Variants in DSCAM observed in about 807,000 individuals in gnomAD.
DSCAM encodes the protein DS cell adhesion molecule.
In DSCAM, 47 loss-of-function variants were observed where a neutral mutation model predicts 217.7. That is an observed-to-expected ratio of 0.22 (90% confidence interval 0.17 to 0.28). DSCAM has a LOEUF of 0.28. Ranked by LOEUF, DSCAM falls within the 10% of genes least tolerant of loss-of-function variation. The pLI, the probability that DSCAM is intolerant of heterozygous loss-of-function variation, is 1.00. For synonymous variants in DSCAM, 1,056 were observed against 1,015.3 expected, an observed-to-expected ratio of 1.04 and a Z score of -0.76; for missense variants, 2,080 against 2,618.3, an observed-to-expected ratio of 0.79 and a Z score of 4.49.
intron 1 of DSCAM, among the ~76,000 whole-genome samples, chr21:40,840,839 G>A: frequency 6.6e-6 from 1 of 152,266 alleles, no homozygotes; most frequent in African/African-American, 2.4e-5. Flanking sequence ...AGAGGCAGAA[G>A]AGAGAGGTGG....
At chr21:40,048,969 A>T (rs977002135) in intron 30 of DSCAM, among the ~76,000 whole-genome samples, 8 of 147,190 alleles carry the variant, frequency 5.4e-5, no homozygotes, top group African/African-American at 1.8e-4. Context: ...GGAAGATTTA[A>T]TGAAAAAAAT....
chr21:40,670,493 G>T (rs992872914), intron 3 of DSCAM, among the ~76,000 whole-genome samples: 1 of 138,846 alleles, frequency 7.2e-6, no homozygotes, highest in Non-Finnish European at 1.5e-5. Flanking sequence ...AGCCGAGATC[G>T]CGCCATTGCA....
chr21:40,293,680 G>C (rs1387014432), intron 10 of DSCAM, among the ~76,000 whole-genome samples: 5 of 152,158 alleles, frequency 3.3e-5, no homozygotes, highest in African/African-American at 1.2e-4. Context: ...AAATTAGCCA[G>C]GCTTGGTGGT....
intron 9 of DSCAM, among the ~76,000 whole-genome samples, chr21:40,302,420 C>A (rs574521936): frequency 6.6e-6 from 1 of 152,156 alleles, no homozygotes; most frequent in Non-Finnish European, 1.5e-5. Context: ...CTTTCACCTC[C>A]CAGCCACCTG....
chr21:40,042,356 G>A lies in DSCAM; in HGVS notation c.5686+15C>T, dbSNP rs2088766770. ...TTCCCTAAGCGACGGCCCCCAGGTG[G>A]CCTTGCTCACCTACCTGGCCGATGT... is the stretch of plus-strand genomic sequence containing the variant. On this transcript the variant is annotated intron_variant, in intron 32 of 32. Coordinates refer to ENST00000400454, the MANE Select transcript of DSCAM (RefSeq NM_001389.5). 1.9e-6 allele frequency: 3 copies of A among 1,610,388 alleles called. No homozygotes were observed. Among genetic ancestry groups the A allele is most frequent in the Non-Finnish European group, 2.5e-6 (3 of 1,177,944 alleles).
At chr21:40,143,066 CTTCT>C (rs2090312370) in intron 17 of DSCAM, among the ~76,000 whole-genome samples, 2 of 152,148 alleles carry the variant, frequency 1.3e-5, no homozygotes, top group Admixed American at 6.5e-5. Flanking sequence ...TTGGAAGTTA[CTTCT>C]TTAAGTTGCA....
intron 11 of DSCAM, among the ~76,000 whole-genome samples, chr21:40,213,378 T>C (rs573743185): frequency 7.2e-4 from 109 of 152,214 alleles, no homozygotes; most frequent in African/African-American, 2.1e-3. Flanking sequence ...TGTGCACACA[T>C]AGGTTTACTG....
intron 32 of DSCAM, among the ~76,000 whole-genome samples, chr21:40,027,007 G>A (rs1475232547): frequency 6.6e-6 from 1 of 152,308 alleles, no homozygotes; most frequent in African/African-American, 2.4e-5. Context: ...TTTTGCAGTG[G>A]CTGGTACCGG....
chr21:40,615,435 AG>A (rs1288010322), intron 3 of DSCAM: 1 of 140,278 alleles, frequency 7.1e-6, no homozygotes, highest in Non-Finnish European at 1.5e-5. Context: ...AAATCTGAAA[AG>A]AAAAAAAGAG....
intron 24 of DSCAM, 105 bp from the exon 25 acceptor site, chr21:40,080,445 C>T (rs1368662108): frequency 3.0e-6 from 3 of 995,342 alleles, no homozygotes; most frequent in African/African-American, 1.6e-5. Context: ...ATTCTCAGAA[C>T]TGAAGAATCT....
intron 3 of DSCAM, among the ~76,000 whole-genome samples, chr21:40,629,134 A>G (rs1248724908): frequency 4.7e-5 from 7 of 150,494 alleles, no homozygotes; most frequent in Non-Finnish European, 8.9e-5. Flanking sequence ...TACTTACTCT[A>G]TGGCAAGCAC....
chr21:40,365,426 T>C (rs921327983), intron 4 of DSCAM, among the ~76,000 whole-genome samples: 3 of 152,204 alleles, frequency 2.0e-5, no homozygotes, highest in Non-Finnish European at 2.9e-5. Flanking sequence ...GGGTGCACTG[T>C]TGGCTTCCCT....
rs556363495 is a variant in DSCAM at position 40,798,981 on chromosome 21, G to A, written c.43+47638C>T. On this transcript the variant is annotated intron_variant, in intron 1 of 32. Coordinates refer to ENST00000400454, the MANE Select transcript of DSCAM (RefSeq NM_001389.5). ...AAACTATAGCCTAAGCCATTAAAAT[G>A]TTTTACTTCTAAAATTAAGCTACTG... 1.1e-4 allele frequency among the ~76,000 whole-genome samples: 17 copies of A among 152,140 alleles called. 1 individual carries two copies. Among genetic ancestry groups the A allele is most frequent in the African/African-American group, 3.6e-4 (15 of 41,550 alleles).
chr21:40,286,337 G>A (rs1421250071), intron 10 of DSCAM, among the ~76,000 whole-genome samples: 4 of 152,144 alleles, frequency 2.6e-5, no homozygotes, highest in Non-Finnish European at 4.4e-5. Context: ...AGAGTGAGTG[G>A]CAGCAAGGGC....
At chr21:40,442,804 C>T (rs2075643391) in intron 3 of DSCAM, among the ~76,000 whole-genome samples, 1 of 152,122 alleles carries the variant, frequency 6.6e-6, no homozygotes, top group East Asian at 1.9e-4. Flanking sequence ...GCCACCATGC[C>T]TGGCCGAGTT....
intron 3 of DSCAM, among the ~76,000 whole-genome samples, chr21:40,626,341 C>A (rs1489482125): frequency 6.6e-6 from 1 of 152,128 alleles, no homozygotes; most frequent in African/African-American, 2.4e-5. Flanking sequence ...TCACCATCAT[C>A]CCTTATGTAG....
rs1474129513 is a variant in DSCAM at position 40,085,596 on chromosome 21, T to A, written c.4132+6A>T. 6.6e-7 allele frequency: 1 copy of A among 1,523,686 alleles called. No individual in the cohort carries two copies. The highest frequency in any genetic ancestry group is 1.4e-5 in the African/African-American group (1 of 73,230). The allele number at this position is 1,523,686 out of a possible 1,614,324, so 94.4% of individuals were successfully genotyped here. ...TATCATTAAAAAGAGTCCTCAAATGTTGTACCTTGTACTTGTAAGTTTAAA... is the reference window on the plus strand; with the variant it reads ...TATCATTAAAAAGAGTCCTCAAATGATGTACCTTGTACTTGTAAGTTTAAA... On this transcript the variant is annotated splice_donor_region_variant and intron_variant, in intron 23 of 32. Coordinates refer to ENST00000400454, the MANE Select transcript of DSCAM (RefSeq NM_001389.5).
At chr21:40,228,279 G>A (rs2091351373) in intron 11 of DSCAM, among the ~76,000 whole-genome samples, 1 of 152,142 alleles carries the variant, frequency 6.6e-6, no homozygotes, top group South Asian at 2.1e-4. Context: ...CTGGAAGGAA[G>A]TCGCTCTGCA....
At chr21:40,538,757 A>T (rs1278967667) in intron 3 of DSCAM, among the ~76,000 whole-genome samples, 1 of 152,196 alleles carries the variant, frequency 6.6e-6, no homozygotes, top group African/African-American at 2.4e-5. Flanking sequence ...CTCAGGTAGA[A>T]TTGCTTGATG....
Sources: allele counts gnomAD v4.1 joint callset (sites outside exome capture counted in the v4.1 genomes callset), GRCh38; gene constraint gnomAD v4.1.1; transcripts MANE v1.5; gene names NCBI Gene and HGNC (gene_info 2026-07-23, HGNC 2026-07-21).